Variants in PAK2 observed in about 807,000 individuals in gnomAD.
The protein encoded by PAK2 is serine/threonine-protein kinase PAK 2.
PAK2 carries 21 observed loss-of-function variants against 65.9 expected under a neutral mutation model. That is an observed-to-expected ratio of 0.32 (90% CI 0.23 to 0.46). The LOEUF is 0.46. PAK2 is among the 20% of genes least tolerant of loss of function. The pLI, the probability that PAK2 is intolerant of heterozygous loss-of-function variation, is 1.00. For synonymous variants in PAK2, 204 were observed against 219.7 expected (o/e 0.93, Z 0.63); for missense variants, 324 against 642.6 (o/e 0.50, Z 5.36).
intron 2 of PAK2, among the ~76,000 whole-genome samples, chr3:196,796,852 A>G (rs1715273812): frequency 6.6e-6 from 1 of 152,212 alleles, no homozygotes; most frequent in South Asian, 2.1e-4. Context: ...GAAGGTTGTT[A>G]TTTCGTGATA....
intron 12 of PAK2, 33 bp downstream of exon 12, chr3:196,818,189 A>G: frequency 1.2e-6 from 1 of 828,026 alleles, no homozygotes. Context: ...ACAATCATTT[A>G]TTATAATTTT....
intron 1 of PAK2, among the ~76,000 whole-genome samples, chr3:196,742,868 C>A (rs534343598): frequency 0.015 from 2,273 of 152,240 alleles, 49 homozygotes; most frequent in African/African-American, 0.052. Context: ...TGCAGTGAGT[C>A]GAGATCGCGC....
chr3:196,763,337 T>G (rs1714047863), intron 1 of PAK2, among the ~76,000 whole-genome samples: 1 of 152,168 alleles, frequency 6.6e-6, no homozygotes, highest in Admixed American at 6.5e-5. Context: ...TGGAGTCTGA[T>G]GCTGGAGGAG....
intron 2 of PAK2, among the ~76,000 whole-genome samples, chr3:196,793,254 C>T (rs920984078): frequency 1.3e-5 from 2 of 152,166 alleles, no homozygotes; most frequent in Non-Finnish European, 2.9e-5. Context: ...CTGTTCTTAT[C>T]AGGGGAGTCA....
chr3:196,748,035 C>T (rs1176928716), intron 1 of PAK2, among the ~76,000 whole-genome samples: 2 of 152,028 alleles, frequency 1.3e-5, no homozygotes, highest in African/African-American at 4.8e-5. Flanking sequence ...GTTTCTTTTT[C>T]ATTTATTTGG....
chr3:196,820,667 G>A lies in PAK2; in HGVS notation c.1350+100G>A, dbSNP rs2166799. ...CACTGTCCAAGAATTTAAAGTAGAA[G>A]GTTGATAAAACCTAATCTCTGCCCC... On this transcript the variant is annotated intron_variant, in intron 13 of 14. Transcript: ENST00000327134. This position sits in a 1 kb window ranked among gnomAD's most constrained non-coding sequence, Gnocchi z 4.6. 298,660 of 577,198 alleles carry A rather than the reference G, an allele frequency of 0.52. 79,944 individuals carry two copies. Among genetic ancestry groups the A allele is most frequent in the African/African-American group, 0.7 (36,496 of 52,490 alleles). 35.8% of individuals were successfully genotyped at this position (577,198 alleles called of 1,614,324 possible). A position where few individuals can be genotyped will look rare whatever the true frequency, so the allele number is the denominator to read the frequency against.
intron 1 of PAK2, among the ~76,000 whole-genome samples, chr3:196,751,726 AAC>A (rs1713606905): frequency 1.8e-5 from 2 of 109,382 alleles, no homozygotes; most frequent in East Asian, 2.1e-4. Flanking sequence ...GCATTTATGA[AAC>A]ACAAATGAAT....
chr3:196,769,816 CAAAAAA>C (rs1560097781), intron 1 of PAK2, among the ~76,000 whole-genome samples: 2 of 151,232 alleles, frequency 1.3e-5, no homozygotes, highest in African/African-American at 4.9e-5. Context: ...GACTCTGTCT[CAAAAAA>C]GAAAAAGAAA....
chr3:196,759,501 T>G (rs1341710528), intron 1 of PAK2, among the ~76,000 whole-genome samples: 10 of 10,752 alleles, frequency 9.3e-4, no homozygotes, highest in African/African-American at 2.4e-3. Context: ...TTTTTTTGTT[T>G]TTTTTTTTTT....
At chr3:196,745,302 T>G (rs936675740) in intron 1 of PAK2, among the ~76,000 whole-genome samples, 2 of 149,036 alleles carry the variant, frequency 1.3e-5, no homozygotes, top group African/African-American at 5.0e-5. Context: ...TTTTTTTTTT[T>G]TTGTAGAGAC....
At chr3:196,815,560 G>A (rs374525823) in intron 11 of PAK2, among the ~76,000 whole-genome samples, 15 of 151,556 alleles carry the variant, frequency 9.9e-5, no homozygotes, top group South Asian at 2.1e-4. Flanking sequence ...AGGCCGAGGC[G>A]GGCAGATCAT....
At position 196,751,667 on chromosome 3, in the gene PAK2, T is replaced by TATATATATATATATATATATA. The variant is rs1560089766; in HGVS notation, c.-22+11510_-22+11511insATATATATATATATATATATA. Among the ~76,000 whole-genome samples the TATATATATATATATATATATA allele has an allele frequency of 1.6e-3, 72 of 45,056 alleles. 4 individuals carry two copies. The highest frequency in any genetic ancestry group is 3.4e-3 in the Admixed American group (14 of 4,146). The allele number at this position is 45,056 out of a possible 152,430, so 29.6% of individuals were successfully genotyped here. On this transcript the variant is annotated intron_variant, in intron 1 of 14. Transcript: ENST00000327134. ...CCCCCCAAAAAACACACAAATTTAT[T>TATATATATATATATATATATA]TATATACATATATATATATATATAT...
At chr3:196,793,124 C>T (rs1412025287) in intron 2 of PAK2, among the ~76,000 whole-genome samples, 8 of 152,276 alleles carry the variant, frequency 5.3e-5, no homozygotes, top group South Asian at 2.1e-4. Context: ...TCAAAGGCCC[C>T]CCAGGACTCC....
intron 4 of PAK2, among the ~76,000 whole-genome samples, chr3:196,804,228 A>G (rs1192571825): frequency 6.6e-6 from 1 of 152,214 alleles, no homozygotes; most frequent in Non-Finnish European, 1.5e-5. Flanking sequence ...CACAGAAACA[A>G]AGGCCATGTG....
At chr3:196,811,912 T>C (rs1715840383) in intron 8 of PAK2, among the ~76,000 whole-genome samples, 1 of 152,090 alleles carries the variant, frequency 6.6e-6, no homozygotes, top group Admixed American at 6.6e-5. Context: ...CTTCAAATTA[T>C]TTACAGTTAT....
chr3:196,787,969 C>A (rs188399739), intron 2 of PAK2, among the ~76,000 whole-genome samples: 3 of 152,352 alleles, frequency 2.0e-5, no homozygotes, highest in East Asian at 1.9e-4. Context: ...CTGGATTATC[C>A]CGTTCATCAC....
At chr3:196,805,278 T>C (rs79631150) in intron 4 of PAK2, 74 bp from the exon 5 acceptor site, 1 of 354,818 alleles carries the variant, frequency 2.8e-6, no homozygotes, top group Non-Finnish European at 5.0e-6. Context: ...CTTTCTCTGC[T>C]TTTTTTTTTT....
intron 6 of PAK2, 60 bp from the exon 7 acceptor site, chr3:196,807,722 C>T (rs957978730): frequency 1.0e-6 from 1 of 971,512 alleles, no homozygotes; most frequent in African/African-American, 1.6e-5. Flanking sequence ...ATTAGTTTGC[C>T]AGGAAGAATA....
intron 1 of PAK2, among the ~76,000 whole-genome samples, chr3:196,753,208 C>T (rs558057412): frequency 1.3e-5 from 2 of 152,018 alleles, no homozygotes; most frequent in South Asian, 2.1e-4. Context: ...CCGCCCGCCT[C>T]AGCCTCCCAA....
Sources: allele counts gnomAD v4.1 joint callset (sites outside exome capture counted in the v4.1 genomes callset), GRCh38; gene constraint gnomAD v4.1.1; non-coding constraint Gnocchi (gnomAD v3.1); transcripts MANE v1.5; gene names NCBI Gene and HGNC (gene_info 2026-07-23, HGNC 2026-07-21).